ERLIN2: variants seen among roughly 807,000 people sequenced by gnomAD.
ERLIN2 encodes erlin-2.
A neutral mutation model predicts 41.5 loss-of-function variants in ERLIN2; 22 were observed. The observed-to-expected ratio is 0.53, with a 90% confidence interval of 0.38 to 0.76. ERLIN2 has a LOEUF of 0.76. Ranked by LOEUF, ERLIN2 falls within the 30% of genes least tolerant of loss-of-function variation. The pLI, the probability that ERLIN2 is intolerant of heterozygous loss-of-function variation, is 0.00. For missense variants in ERLIN2, 247 were observed against 414.3 expected, an observed-to-expected ratio of 0.60 and a Z score of 3.51; for synonymous variants, 149 against 150.9, an observed-to-expected ratio of 0.99 and a Z score of 0.09.
chr8:37,745,667 T>A (rs1233804177), intron 6 of ERLIN2: 3 of 1,612,922 alleles, frequency 1.9e-6, no homozygotes, highest in Non-Finnish European at 2.5e-6. Flanking sequence ...TCGCCAGCAA[T>A]CATAATTAAG....
chr8:37,736,708 G>C, intron 1 of ERLIN2, 30 bp downstream of exon 1: 1 of 985,640 alleles, frequency 1.0e-6, no homozygotes, highest in Non-Finnish European at 1.2e-6. Flanking sequence ...TCGTGCGCGC[G>C]CTGGGCCTAG....
chr8:37,750,177 T>G (rs2129713238), intron 8 of ERLIN2: 2 of 623,664 alleles, frequency 3.2e-6, no homozygotes, highest in East Asian at 2.7e-5. Context: ...TGTATTTTAC[T>G]AAATTATGTT....
chr8:37,743,355 G>A (rs972836977), intron 4 of ERLIN2, among the ~76,000 whole-genome samples: 4 of 152,144 alleles, frequency 2.6e-5, no homozygotes, highest in African/African-American at 4.8e-5. Context: ...TAACAGCAGG[G>A]GTAGTTTTGG....
chr8:37,749,911 C>T lies in ERLIN2; in HGVS notation c.557+59C>T, dbSNP rs1803179143. The T allele has an allele frequency of 5.5e-6, 8 of 1,456,128 alleles. No individual in the cohort carries two copies. In the Admixed American group the frequency reaches 1.3e-4, roughly 24 times the overall value. 90.2% of individuals were successfully genotyped at this position (1,456,128 alleles called of 1,614,324 possible). A position where few individuals can be genotyped will look rare whatever the true frequency, so the allele number is the denominator to read the frequency against. On this transcript the variant is annotated intron_variant, in intron 8 of 11. Transcript: ENST00000519638. ...ACTGCCTCCCACCTCCCACCTCGTC[C>T]CATCCCAGAGGTAACCAAAGCTGCC...
At position 37,738,034 on chromosome 8, in the gene ERLIN2, G is replaced by A. The variant is rs1339296394; in HGVS notation, c.107+5G>A. On this transcript the variant is annotated splice_donor_5th_base_variant and intron_variant, in intron 2 of 11. Transcript: ENST00000519638. Reference sequence around the variant, plus strand: ...ACATATTGGGGTATATTACAGGTAAGGCAGAGACAGGGAGAAGCCGGCAAC... The same window carrying A: ...ACATATTGGGGTATATTACAGGTAAAGCAGAGACAGGGAGAAGCCGGCAAC... 1.2e-6 allele frequency: 2 copies of A among 1,614,004 alleles called. No homozygotes were observed. The highest frequency in any genetic ancestry group is 2.2e-5 in the East Asian group (1 of 44,890).
At position 37,754,097 on chromosome 8, in the gene ERLIN2, G is replaced by C; in HGVS notation, c.1002G>C (p.Thr334=). Residue 334 remains threonine (T), a synonymous_variant, in exon 12 of 12, where the codon ACG becomes ACC. Coordinates refer to ENST00000519638, the MANE Select transcript of ERLIN2 (RefSeq NM_007175.8). ...GCTTAGAAGATGAACCCTTGGAGAC[G>C]GCCACTAAGGAGAATTGAAAAAAAC... is the stretch of plus-strand genomic sequence containing the variant. ...SFGLEDEPLE[T]ATKEN is the part of the protein sequence containing the mutation. The C allele has an allele frequency of 6.2e-7, 1 of 1,613,550 alleles. No homozygotes were observed. The highest frequency in any genetic ancestry group is 1.3e-5 in the African/African-American group (1 of 74,986).
chr8:37,747,602 T>G (rs760705360), intron 6 of ERLIN2: 2 of 1,611,982 alleles, frequency 1.2e-6, no homozygotes, highest in Non-Finnish European at 1.7e-6. Context: ...GGCTCTTGTT[T>G]CTGAGTATAT....
chr8:37,737,789 C>G, intron 1 of ERLIN2, 119 bp from the exon 2 acceptor site: 1 of 1,177,048 alleles, frequency 8.5e-7, no homozygotes, highest in Non-Finnish European at 1.2e-6. Context: ...TGTGTTCACA[C>G]GACACCAGGC....
Position 37,749,842 on chromosome 8 carries a change from T to C in ERLIN2, c.547T>C (p.Tyr183His), listed in dbSNP as rs1238412134. The C allele has an allele frequency of 6.8e-6, 11 of 1,613,998 alleles. No homozygotes were observed. Among genetic ancestry groups the C allele is most frequent in the African/African-American group, 1.3e-5 (1 of 74,946 alleles). ...CATACCAGAGGCAATCCGCAGAAAC[T>C]ACGAGTTGATGTGAGTATACCCTCC... ...PNIPEAIRRN[Y>H]ELMESEKTKL... Residue 183 changes from tyrosine to histidine, a missense_variant, in exon 8 of 12, where the codon TAC becomes CAC. By Grantham distance (83) the Tyr-to-His change is moderately conservative. Coordinates refer to ENST00000519638, the MANE Select transcript of ERLIN2 (RefSeq NM_007175.8).
At chr8:37,753,648 A>T (rs1182366098) in intron 11 of ERLIN2, 119 bp downstream of exon 11, 2 of 914,810 alleles carry the variant, frequency 2.2e-6, no homozygotes, top group Non-Finnish European at 3.6e-6. Context: ...AGAACTGAGG[A>T]TGCCTTTGCT....
chr8:37,745,454 T>C, intron 6 of ERLIN2: 2 of 1,044,168 alleles, frequency 1.9e-6, no homozygotes, highest in Non-Finnish European at 3.0e-6. Flanking sequence ...GGGTAACTGT[T>C]ATAACTTGTT....
chr8:37,754,058 CAAGCT>C lies in ERLIN2; in HGVS notation c.969_973del (p.Ser324TrpfsTer5), dbSNP rs765271771. On this transcript the variant is annotated frameshift_variant, in exon 12 of 12. Transcript: ENST00000519638. LOFTEE classifies it high-confidence loss of function. The stretch of plus-strand genomic sequence containing the variant: ...GCAAGCAGTTTGAGGGGCTAGCTGA[CAAGCT>C]AAGCTTTGGCTTAGAAGATGAACCC... 6.2e-7 allele frequency: 1 copy of C among 1,614,130 alleles called. No homozygotes were observed. Among genetic ancestry groups the C allele is most frequent in the Non-Finnish European group, 8.5e-7 (1 of 1,180,004 alleles).
intron 6 of ERLIN2, chr8:37,745,623 C>T (rs1364701816): frequency 1.2e-6 from 2 of 1,614,084 alleles, no homozygotes; most frequent in Non-Finnish European, 1.7e-6. Flanking sequence ...TGAGCAAGAA[C>T]ATTTTTCATA....
chr8:37,738,481 C>T (rs1802732753), intron 2 of ERLIN2, among the ~76,000 whole-genome samples: 1 of 152,154 alleles, frequency 6.6e-6, no homozygotes, highest in African/African-American at 2.4e-5. Flanking sequence ...TTGATGGCAA[C>T]TTGAGAAGGT....
rs1475968656 is a variant in ERLIN2, at chr8:37,741,362, G to A, written c.190-410G>A. ...ATTTTATTATTGTTGATCACTTACT[G>A]TACCTAATTTATAAATTAAACTTTA... is the stretch of plus-strand genomic sequence containing the variant. On this transcript the variant is annotated intron_variant, in intron 3 of 11. Transcript: ENST00000519638. The surrounding 1 kb of genome is among the most constrained non-coding windows in gnomAD (Gnocchi z 4.8). Among the ~76,000 whole-genome samples, 2 of 152,136 alleles carry A rather than the reference G, an allele frequency of 1.3e-5. No homozygotes were observed. The highest frequency in any genetic ancestry group is 2.1e-4 in the South Asian group (1 of 4,828).
intron 8 of ERLIN2, 128 bp from the exon 9 acceptor site, chr8:37,750,267 C>A: frequency 1.3e-6 from 1 of 743,622 alleles, no homozygotes. Context: ...CCTGGGCCAT[C>A]GAACAGCCTT....
At chr8:37,750,530 TG>T in intron 9 of ERLIN2, 44 bp downstream of exon 9, 1 of 1,518,648 alleles carries the variant, frequency 6.6e-7, no homozygotes, top group African/African-American at 1.4e-5. Context: ...GCAGAAAGGC[TG>T]GGGGTGGTGG....
In ERLIN2 at chr8:37,758,204, G is replaced by A. The variant is rs1484557828; in HGVS notation, c.*4089G>A. ...GCTTTCTCAGGTTTTTTTTAACAGG[G>A]ATCCCAAGCTTTTTCTATTGGTTTG... On this transcript the variant is annotated 3_prime_UTR_variant, in exon 12 of 12. Transcript: ENST00000519638. 1.3e-5 allele frequency: 2 copies of A among 152,084 alleles called. No individual in the cohort carries two copies. The highest frequency in any genetic ancestry group is 6.5e-5 in the Admixed American group (1 of 15,270). 9.4% of individuals were successfully genotyped at this position (152,084 alleles called of 1,614,324 possible).
At chr8:37,751,836 C>A in intron 10 of ERLIN2, 121 bp downstream of exon 10, 1 of 776,714 alleles carries the variant, frequency 1.3e-6, no homozygotes, top group Non-Finnish European at 2.3e-6. Context: ...CTCTGTGCAA[C>A]AGCAGCTTTT....
Sources: allele counts gnomAD v4.1 joint callset (sites outside exome capture counted in the v4.1 genomes callset), GRCh38; gene constraint gnomAD v4.1.1; non-coding constraint Gnocchi (gnomAD v3.1); transcripts MANE v1.5; gene names NCBI Gene and HGNC (gene_info 2026-07-23, HGNC 2026-07-21).